Variants in ERCC6 observed in about 807,000 individuals in gnomAD.
ERCC6 encodes ERCC excision repair 6, chromatin remodeling factor, also known as DNA excision repair protein ERCC-6.
In ERCC6, 116 loss-of-function variants were observed where a neutral mutation model predicts 158.7. The observed-to-expected ratio is 0.73, with a 90% CI of 0.63 to 0.85. ERCC6 has a LOEUF of 0.85. Ranked by LOEUF, ERCC6 falls within the 40% of genes least tolerant of loss-of-function variation. The pLI, the probability that ERCC6 is intolerant of heterozygous loss-of-function variation, is 0.00. For synonymous variants in ERCC6, 678 were observed against 659.3 expected (o/e 1.03, Z -0.43); for missense variants, 1,698 against 1,799.4 (o/e 0.94, Z 1.02).
intron 8 of ERCC6, among the ~76,000 whole-genome samples, 192 bp downstream of exon 8, chr10:49,492,925 A>G (rs2132564607): frequency 6.6e-6 from 1 of 152,340 alleles, no homozygotes; most frequent in Non-Finnish European, 1.5e-5. Flanking sequence ...TGTTAGAACA[A>G]TAAGACCTAT....
chr10:49,529,907 T>C (rs909319775), intron 3 of ERCC6, among the ~76,000 whole-genome samples: 1 of 151,960 alleles, frequency 6.6e-6, no homozygotes, highest in Non-Finnish European at 1.5e-5. Context: ...TTCATAAAAA[T>C]AATATCCTAA....
At chr10:49,494,840 C>A (rs1377559011) in intron 7 of ERCC6, among the ~76,000 whole-genome samples, 1 of 152,178 alleles carries the variant, frequency 6.6e-6, no homozygotes, top group Non-Finnish European at 1.5e-5. Context: ...TACAAGGACA[C>A]CTGGCCTTAG....
Position 49,459,168 on chromosome 10 carries a change from C to T in ERCC6, c.4129G>A (p.Ala1377Thr), listed in dbSNP as rs781538914. Residue 1377 changes from alanine to threonine, a missense_variant, in exon 21 of 21, where the codon GCA (alanine) becomes ACA (threonine). Coordinates refer to ENST00000355832, the MANE Select transcript of ERCC6 (RefSeq NM_000124.4). ...GCGAGGGGCCCGGATGAAGAGTCTG[C>T]ATCTTCTGCTCTTCCACTAAAATGC... ...PEHFSGRAED[A>T]DSSSGPLASS... is the part of the protein sequence containing the mutation. 1.2e-6 allele frequency: 2 copies of T among 1,614,090 alleles called. No homozygotes were observed. The highest frequency in any genetic ancestry group is 8.5e-7 in the Non-Finnish European group (1 of 1,180,040).
chr10:49,436,924 C>T, the ERCC6 span, among the ~76,000 whole-genome samples: 1 of 152,070 alleles, frequency 6.6e-6, no homozygotes, highest in Non-Finnish European at 1.5e-5. Flanking sequence ...GCATATCATA[C>T]CATGGTGAAA....
intron 6 of ERCC6, chr10:49,504,457 G>GCTT (rs1304811360): frequency 6.6e-6 from 1 of 152,080 alleles, no homozygotes; most frequent in Admixed American, 6.6e-5. Flanking sequence ...AAATATCTTT[G>GCTT]CTAGAAAATC....
At chr10:49,516,249 T>C (rs1196630425) in intron 5 of ERCC6, 1 of 1,614,164 alleles carries the variant, frequency 6.2e-7, no homozygotes, top group African/African-American at 1.3e-5. Context: ...CCGAATGGGC[T>C]TTCCCCGAAT....
intron 5 of ERCC6, chr10:49,506,247 A>G (rs1422119872): frequency 1.8e-6 from 1 of 551,264 alleles, no homozygotes; most frequent in East Asian, 3.2e-5. Context: ...TATTTCTTTA[A>G]GGTCTCATTT....
Position 49,474,017 on chromosome 10 carries a change from G to A in ERCC6, c.2598+10C>T, listed in dbSNP as rs1299267128. On this transcript the variant is annotated intron_variant, in intron 13 of 20. Transcript: ENST00000355832. ...CCAGCCTGTTTCCCGTCTGAAGTCT[G>A]TGCACTCACCTGCCTTGACTGAGAA... 1.2e-6 allele frequency: 2 copies of A among 1,612,276 alleles called. No homozygotes were observed. Among genetic ancestry groups the A allele is most frequent in the Non-Finnish European group, 1.7e-6 (2 of 1,178,744 alleles).
At chr10:49,523,930 G>A (rs1217396263) in intron 5 of ERCC6, 103 bp downstream of exon 5, 3 of 1,518,208 alleles carry the variant, frequency 2.0e-6, no homozygotes, top group Admixed American at 1.8e-5. Flanking sequence ...TAATCGGGGG[G>A]GTCTAATATA....
chr10:49,530,122 AG>A (rs1837434801), intron 3 of ERCC6, among the ~76,000 whole-genome samples: 1 of 152,156 alleles, frequency 6.6e-6, no homozygotes, highest in African/African-American at 2.4e-5. Flanking sequence ...AAGAGTTCAC[AG>A]GAGACCAGGA....
At chr10:49,442,343 C>A in the ERCC6 span, among the ~76,000 whole-genome samples, 1 of 152,276 alleles carries the variant, frequency 6.6e-6, no homozygotes, top group East Asian at 1.9e-4. Flanking sequence ...TCTTGCAAAG[C>A]GAAAGCAAAG....
chr10:49,476,538 C>G (rs1366770930), intron 11 of ERCC6, among the ~76,000 whole-genome samples: 1 of 152,118 alleles, frequency 6.6e-6, no homozygotes, highest in Non-Finnish European at 1.5e-5. Context: ...ATCCCACAGT[C>G]CCCAAAGACT....
chr10:49,448,689 G>T, the ERCC6 span, among the ~76,000 whole-genome samples: 2 of 152,078 alleles, frequency 1.3e-5, no homozygotes, highest in Non-Finnish European at 2.9e-5. Flanking sequence ...TGTTTCTATA[G>T]ATTTCCCTAT....
Position 49,470,280 on chromosome 10 carries a change from T to C in ERCC6, c.3680A>G (p.Lys1227Arg). The C allele has an allele frequency of 6.2e-7, 1 of 1,614,152 alleles. No individual in the cohort carries two copies. Among genetic ancestry groups the C allele is most frequent in the Non-Finnish European group, 8.5e-7 (1 of 1,180,012 alleles). Residue 1227 changes from lysine to arginine, a missense_variant, in exon 18 of 21, where the codon AAG becomes AGG. By Grantham distance (26) the Lys-to-Arg change is conservative (BLOSUM62 2). Transcript: ENST00000355832. ...FEGTRIPHLV[K>R]KRRYQKQDSE... Reference sequence around the variant, plus strand: ...GTCTTGCTTCTGGTAACGCCTTTTCTTCACCAGGTGTGGAATTCGAGTTCC... The same window carrying C: ...GTCTTGCTTCTGGTAACGCCTTTTCCTCACCAGGTGTGGAATTCGAGTTCC...
intron 14 of ERCC6, 118 bp downstream of exon 14, chr10:49,473,359 C>T: frequency 1.2e-6 from 1 of 821,958 alleles, no homozygotes; most frequent in Non-Finnish European, 2.2e-6. Context: ...TCCCCTTAGG[C>T]CCCCTCCCAA....
At chr10:49,478,547 C>G (rs1850919791) in intron 10 of ERCC6, 77 bp from the exon 11 acceptor site, 1 of 850,554 alleles carries the variant, frequency 1.2e-6, no homozygotes, top group Non-Finnish European at 2.0e-6. Flanking sequence ...CAATTGCTTC[C>G]ATTCCTTAAA....
the ERCC6 span, among the ~76,000 whole-genome samples, chr10:49,445,947 C>T: frequency 6.6e-6 from 1 of 152,158 alleles, no homozygotes; most frequent in Non-Finnish European, 1.5e-5. Flanking sequence ...CCTCCCGCTA[C>T]AGAGAAGCTT....
downstream of ERCC6, among the ~76,000 whole-genome samples, chr10:49,449,761 A>G (rs1260772687): frequency 6.6e-6 from 1 of 151,960 alleles, no homozygotes; most frequent in Non-Finnish European, 1.5e-5. Context: ...CATATTGACC[A>G]GGCTGCTCTC....
chr10:49,503,793 AT>A (rs1308162526), intron 6 of ERCC6: 5 of 152,282 alleles, frequency 3.3e-5, no homozygotes, highest in African/African-American at 1.2e-4. Context: ...ACAGTTAAAG[AT>A]TTTTATGAAT....
Sources: allele counts gnomAD v4.1 joint callset (sites outside exome capture counted in the v4.1 genomes callset), GRCh38; gene constraint gnomAD v4.1.1; transcripts MANE v1.5; gene names NCBI Gene and HGNC (gene_info 2026-07-23, HGNC 2026-07-21).